Variants in PACRG observed in about 807,000 individuals in gnomAD.
PACRG encodes parkin coregulated.
A neutral mutation model predicts 29.7 loss-of-function variants in PACRG; 29 were observed. The ratio of observed to expected loss-of-function variants is 0.98; its 90% confidence interval spans 0.73 to 1.33. The LOEUF is 1.33. Ranked by LOEUF, PACRG falls within the 40% of genes most tolerant of loss-of-function variation. The pLI is 0.00. For synonymous variants in PACRG, 116 were observed against 118.7 expected, an observed-to-expected ratio of 0.98 and a Z score of 0.15; for missense variants, 279 against 316.2, an observed-to-expected ratio of 0.88 and a Z score of 0.89.
intron 1 of PACRG, among the ~76,000 whole-genome samples, chr6:162,788,157 A>G (rs1035804900): frequency 1.3e-5 from 2 of 151,872 alleles, no homozygotes; most frequent in Non-Finnish European, 2.9e-5. Flanking sequence ...TACTTCCGTG[A>G]CCCCCTATTT....
intron 1 of PACRG, among the ~76,000 whole-genome samples, chr6:162,797,727 C>T (rs988347757): frequency 1.3e-5 from 2 of 152,066 alleles, no homozygotes; most frequent in African/African-American, 4.8e-5. Flanking sequence ...CCAGACTTTA[C>T]GTCTCTTTCA....
chr6:163,035,684 G>T (rs1252684889), intron 2 of PACRG, among the ~76,000 whole-genome samples: 1 of 151,158 alleles, frequency 6.6e-6, no homozygotes. Context: ...CAGGCATGGT[G>T]GTGTGTGCCT....
intron 2 of PACRG, among the ~76,000 whole-genome samples, chr6:162,977,680 A>T (rs1038277429): frequency 1.3e-5 from 2 of 152,224 alleles, no homozygotes; most frequent in Non-Finnish European, 2.9e-5. Flanking sequence ...GTATGAGTAC[A>T]GCACAATGGG....
chr6:163,180,877 C>T (rs113774497), intron 4 of PACRG, among the ~76,000 whole-genome samples: 7 of 152,320 alleles, frequency 4.6e-5, no homozygotes, highest in Admixed American at 2.6e-4. Context: ...AGGCACCGAG[C>T]GTTGTGTGTG....
intron 2 of PACRG, among the ~76,000 whole-genome samples, chr6:163,015,100 AG>A: frequency 6.6e-6 from 1 of 152,344 alleles, no homozygotes; most frequent in South Asian, 2.1e-4. Context: ...TTTATTAAAT[AG>A]GAAGTCGTCT....
rs529326897 is a variant in PACRG, at chr6:163,228,533, C to T, written c.614-86294C>T. ...ATGACAAATAGATTAAGATAGTGCA[C>T]GGGTGCACGGCCATTAGAGTATGAT... On this transcript the variant is annotated intron_variant, in intron 4 of 4. Coordinates refer to ENST00000366888, the MANE Select transcript of PACRG (RefSeq NM_001080379.2). 1.1e-4 allele frequency among the ~76,000 whole-genome samples: 16 copies of T among 152,146 alleles called. No homozygotes were observed. The South Asian group carries it at 1.2e-3, about 12-fold the overall frequency.
At chr6:162,760,543 C>A (rs183580582) in intron 1 of PACRG, among the ~76,000 whole-genome samples, 1 of 151,938 alleles carries the variant, frequency 6.6e-6, no homozygotes, top group East Asian at 1.9e-4. Context: ...CCAAACTAGG[C>A]GCTTATGTTT....
chr6:162,919,704 A>G (rs1796936025), intron 2 of PACRG, among the ~76,000 whole-genome samples: 3 of 152,216 alleles, frequency 2.0e-5, no homozygotes, highest in African/African-American at 7.2e-5. Flanking sequence ...GAATGAAAGC[A>G]TTGTGCTGAA....
chr6:162,937,568 G>A (rs1202148539), intron 2 of PACRG, among the ~76,000 whole-genome samples: 3 of 152,196 alleles, frequency 2.0e-5, no homozygotes, highest in African/African-American at 7.2e-5. Context: ...CTTGCAGGGT[G>A]AATTAGGAGA....
intron 2 of PACRG, among the ~76,000 whole-genome samples, chr6:162,814,823 T>C (rs1009132979): frequency 2.0e-4 from 31 of 152,208 alleles, no homozygotes; most frequent in African/African-American, 7.5e-4. Context: ...TGTTAGAGGC[T>C]GACCTCCACC....
chr6:163,238,613 G>A (rs1782339300), intron 4 of PACRG, among the ~76,000 whole-genome samples: 1 of 152,220 alleles, frequency 6.6e-6, no homozygotes, highest in Admixed American at 6.5e-5. Context: ...TGCCCCACAT[G>A]GGGCATTTTA....
intron 2 of PACRG, among the ~76,000 whole-genome samples, chr6:162,821,825 C>T (rs1173310192): frequency 3.9e-5 from 6 of 152,178 alleles, no homozygotes; most frequent in Non-Finnish European, 7.3e-5. Context: ...ACTCGTCACA[C>T]GTCTCTTCTC....
rs1783718976 is a variant in PACRG at position 163,269,924 on chromosome 6, AAGAAAACAAAGAAAGAAAGAAAG to A, written c.614-44901_614-44879del. ...AAAGAAAGAAAGAAAGAAAGAAAGA[AAGAAAACAAAGAAAGAAAGAAAG>A]AAAGAAAGAAAGAAAGAAAGAAAGA... On this transcript the variant is annotated intron_variant, in intron 4 of 4. Transcript: ENST00000366888. Among the ~76,000 whole-genome samples the A allele has an allele frequency of 1.2e-4, 8 of 66,538 alleles. 3 individuals are homozygous for A. Among genetic ancestry groups the A allele is most frequent in the African/African-American group, 6.8e-4 (8 of 11,690 alleles). 43.7% of individuals were successfully genotyped at this position (66,538 alleles called of 152,430 possible).
At chr6:163,208,199 A>G (rs1047343204) in intron 4 of PACRG, among the ~76,000 whole-genome samples, 11 of 152,206 alleles carry the variant, frequency 7.2e-5, no homozygotes, top group African/African-American at 4.8e-5. Flanking sequence ...TTTTTGCTTT[A>G]TTTACTACAT....
intron 4 of PACRG, among the ~76,000 whole-genome samples, chr6:163,118,756 T>G (rs1816132196): frequency 6.6e-6 from 1 of 152,238 alleles, no homozygotes; most frequent in African/African-American, 2.4e-5. Context: ...ATGTTCAATC[T>G]GCCTTCAAGG....
At chr6:163,184,873 T>A (rs1779845331) in intron 4 of PACRG, 1 of 151,780 alleles carries the variant, frequency 6.6e-6, no homozygotes. Context: ...AGTACACCAG[T>A]GAATGGGAAT....
intron 2 of PACRG, among the ~76,000 whole-genome samples, chr6:163,056,763 C>A (rs776067220): frequency 6.6e-6 from 1 of 152,248 alleles, no homozygotes; most frequent in South Asian, 2.1e-4. Flanking sequence ...TAATCAGAAG[C>A]CAACATGGCA....
intron 4 of PACRG, among the ~76,000 whole-genome samples, chr6:163,217,990 G>A (rs374499703): frequency 2.0e-5 from 3 of 152,114 alleles, no homozygotes; most frequent in African/African-American, 4.8e-5. Context: ...AACCCTCCCC[G>A]ACACTGGTCC....
At chr6:163,002,386 T>C (rs1390595031) in intron 2 of PACRG, among the ~76,000 whole-genome samples, 1 of 152,130 alleles carries the variant, frequency 6.6e-6, no homozygotes, top group Admixed American at 6.5e-5. Context: ...TTCCTTCCAC[T>C]TGACCTTCAA....
Sources: allele counts gnomAD v4.1 joint callset (sites outside exome capture counted in the v4.1 genomes callset), GRCh38; gene constraint gnomAD v4.1.1; transcripts MANE v1.5; gene names NCBI Gene and HGNC (gene_info 2026-07-23, HGNC 2026-07-21).